Variants in ZDHHC21 observed in about 807,000 individuals in gnomAD.
The protein encoded by ZDHHC21 is zDHHC palmitoyltransferase 21, also known as palmitoyltransferase ZDHHC21.
A neutral mutation model predicts 34.6 loss-of-function variants in ZDHHC21; 15 were observed. That is an observed-to-expected ratio of 0.43 (90% confidence interval 0.29 to 0.67). The LOEUF is 0.67. Among genes scored for constraint, ZDHHC21 ranks in the 30% least tolerant of loss-of-function variants. The probability of loss-of-function intolerance (pLI) is 0.14; values close to 1 mark genes in which losing one functional copy is unlikely to be tolerated. For synonymous variants in ZDHHC21, 142 were observed against 101.8 expected (o/e 1.40, Z -2.38); for missense variants, 344 against 327.7 (o/e 1.05, Z -0.38).
chr9:14,599,586 G>A, the ZDHHC21 span, among the ~76,000 whole-genome samples: 1 of 151,894 alleles, frequency 6.6e-6, no homozygotes, highest in Non-Finnish European at 1.5e-5. Flanking sequence ...GTGGCGCCTG[G>A]AATGTCAGCA....
rs369554724 is a variant in ZDHHC21, at chr9:14,668,657, T to C, written c.253+4173A>G. Among the ~76,000 whole-genome samples, 26 of 150,468 alleles carry C rather than the reference T, an allele frequency of 1.7e-4. No individual in the cohort carries two copies. The East Asian group carries it at 3.5e-3, about 20-fold the overall frequency. ...TGGTACTGGTACCAAAACAGAGATATAGACCAATGGAACAGAACAGAGCCC... is the reference window on the plus strand; with the variant it reads ...TGGTACTGGTACCAAAACAGAGATACAGACCAATGGAACAGAACAGAGCCC... On this transcript the variant is annotated intron_variant, in intron 5 of 9. Transcript: ENST00000380916.
At chr9:14,599,088 T>C in the ZDHHC21 span, among the ~76,000 whole-genome samples, 1 of 152,102 alleles carries the variant, frequency 6.6e-6, no homozygotes, top group East Asian at 1.9e-4. Context: ...AACGAAGAGA[T>C]AAACATAAAA....
intron 2 of ZDHHC21, among the ~76,000 whole-genome samples, chr9:14,684,268 G>C (rs577374373): frequency 0.033 from 5,037 of 151,650 alleles, 285 homozygotes; most frequent in African/African-American, 0.11. Flanking sequence ...AATTGTCCCT[G>C]TTTGCAGATG....
intron 8 of ZDHHC21, among the ~76,000 whole-genome samples, chr9:14,638,218 AATAAATTCATAT>A (rs1455600061): frequency 1.3e-5 from 2 of 152,092 alleles, no homozygotes; most frequent in Non-Finnish European, 2.9e-5. Flanking sequence ...AGGATCCAGA[AATAAATTCATAT>A]ATTTACAGCC....
At chr9:14,681,337 A>C (rs952966410) in intron 2 of ZDHHC21, among the ~76,000 whole-genome samples, 2 of 152,124 alleles carry the variant, frequency 1.3e-5, no homozygotes, top group African/African-American at 4.8e-5. Flanking sequence ...CTCCTGCCTC[A>C]GCCTCCTGAG....
At chr9:14,639,459 A>C (rs1367616658) in intron 8 of ZDHHC21, among the ~76,000 whole-genome samples, 3 of 152,130 alleles carry the variant, frequency 2.0e-5, no homozygotes, top group African/African-American at 7.2e-5. Context: ...GGGTGACTAC[A>C]GTCAGCAGCA....
At chr9:14,677,027 C>T (rs1480731734) in intron 3 of ZDHHC21, among the ~76,000 whole-genome samples, 1 of 151,940 alleles carries the variant, frequency 6.6e-6, no homozygotes, top group Non-Finnish European at 1.5e-5. Context: ...AGCAAAACGA[C>T]TGGCAAAATT....
At chr9:14,657,359 T>A (rs1832434073) in intron 7 of ZDHHC21, among the ~76,000 whole-genome samples, 1 of 152,166 alleles carries the variant, frequency 6.6e-6, no homozygotes, top group Admixed American at 6.5e-5. Flanking sequence ...AATCTCATTA[T>A]TATTCACATT....
intron 8 of ZDHHC21, among the ~76,000 whole-genome samples, chr9:14,629,858 C>T (rs539137734): frequency 2.0e-5 from 3 of 152,168 alleles, no homozygotes; most frequent in African/African-American, 7.2e-5. Context: ...ACCATCCTGG[C>T]CAACATGGTG....
intron 5 of ZDHHC21, among the ~76,000 whole-genome samples, chr9:14,662,876 G>T (rs779522662): frequency 6.6e-6 from 1 of 152,174 alleles, no homozygotes; most frequent in Non-Finnish European, 1.5e-5. Flanking sequence ...ATTTAAGAGT[G>T]TGTATGGGAC....
At chr9:14,686,612 C>T (rs1838361625) in intron 2 of ZDHHC21, among the ~76,000 whole-genome samples, 1 of 152,148 alleles carries the variant, frequency 6.6e-6, no homozygotes. Flanking sequence ...CTACTCTTAA[C>T]TTTTTAAGCT....
In ZDHHC21 at chr9:14,617,594, C is replaced by T. The variant is rs1428994620; in HGVS notation, c.*1372G>A. The T allele has an allele frequency of 2.0e-5, 3 of 151,812 alleles. No individual in the cohort carries two copies. Among genetic ancestry groups the T allele is most frequent in the Non-Finnish European group, 2.9e-5 (2 of 67,876 alleles). 9.4% of individuals were successfully genotyped at this position (151,812 alleles called of 1,614,324 possible). ...CTCTTCAAGGGAAAGACTGTGAGTA[C>T]ATAAATTTTTTAAAAAGATATATGG... On this transcript the variant is annotated 3_prime_UTR_variant, in exon 10 of 10. Coordinates refer to ENST00000380916, the MANE Select transcript of ZDHHC21 (RefSeq NM_178566.6).
At chr9:14,608,316 G>A (rs1225547973), downstream of ZDHHC21, among the ~76,000 whole-genome samples, 1 of 151,966 alleles carries the variant, frequency 6.6e-6, no homozygotes, top group Non-Finnish European at 1.5e-5. Flanking sequence ...TGGGGAGGAG[G>A]GAACATGTCT....
At chr9:14,602,169 C>T in the ZDHHC21 span, among the ~76,000 whole-genome samples, 1 of 151,582 alleles carries the variant, frequency 6.6e-6, no homozygotes, top group African/African-American at 2.4e-5. Context: ...AAGAACCTAA[C>T]AGAAATATCG....
At chr9:14,680,682 C>A (rs1837216318) in intron 2 of ZDHHC21, among the ~76,000 whole-genome samples, 1 of 152,092 alleles carries the variant, frequency 6.6e-6, no homozygotes, top group Admixed American at 6.5e-5. Flanking sequence ...TACTAATTCA[C>A]TATTTTATTA....
intron 8 of ZDHHC21, among the ~76,000 whole-genome samples, chr9:14,625,465 T>A (rs944128516): frequency 6.6e-6 from 1 of 152,036 alleles, no homozygotes; most frequent in African/African-American, 2.4e-5. Context: ...CTTCTCTTAA[T>A]CTTAAATGCC....
chr9:14,653,350 T>C (rs1831595854), intron 7 of ZDHHC21, among the ~76,000 whole-genome samples: 2 of 151,980 alleles, frequency 1.3e-5, no homozygotes, highest in African/African-American at 4.8e-5. Context: ...TAAATGTCAA[T>C]GGTAATAATG....
rs7850179 is a variant in ZDHHC21 at position 14,639,736 on chromosome 9, T to C, written c.621+160A>G. Among the ~76,000 whole-genome samples the C allele has an allele frequency of 0.038, 5,790 of 152,230 alleles. 368 individuals are homozygous for C. Among genetic ancestry groups the C allele is most frequent in the African/African-American group, 0.13 (5,524 of 41,540 alleles). Reference sequence around the variant, plus strand: ...ATACAAAATTGTGTATACTTTGTACTTGATTATAACTACTTTAAAATTACA... The same window carrying C: ...ATACAAAATTGTGTATACTTTGTACCTGATTATAACTACTTTAAAATTACA... On this transcript the variant is annotated intron_variant, in intron 8 of 9. Coordinates refer to ENST00000380916, the MANE Select transcript of ZDHHC21 (RefSeq NM_178566.6).
At chr9:14,660,252 G>A (rs950719852) in intron 6 of ZDHHC21, among the ~76,000 whole-genome samples, 2 of 151,502 alleles carry the variant, frequency 1.3e-5, no homozygotes, top group Admixed American at 1.3e-4. Context: ...TGTAATCCCA[G>A]CTACTCGGGA....
Sources: gnomAD v4.1 joint callset for allele counts (sites outside exome capture counted in the v4.1 genomes callset) on GRCh38, gnomAD v4.1.1 for gene constraint, MANE v1.5 for transcripts, NCBI Gene and HGNC (gene_info 2026-07-23, HGNC 2026-07-21) for gene names.